Variants in NALF1 observed in about 807,000 individuals in gnomAD.
The protein encoded by NALF1 is NALCN channel auxiliary factor 1.
A neutral mutation model predicts 48.4 loss-of-function variants in NALF1; 3 were observed. That is an observed-to-expected ratio of 0.06 (90% CI 0.03 to 0.16). The LOEUF is 0.16. NALF1 is among the 10% of genes least tolerant of loss of function. NALF1 has a pLI of 1.00. For missense variants in NALF1, 526 were observed against 571.5 expected, an observed-to-expected ratio of 0.92 and a Z score of 0.81; for synonymous variants, 262 against 245.7, an observed-to-expected ratio of 1.07 and a Z score of -0.62.
chr13:107,685,982 T>C lies in NALF1; in HGVS notation c.915+179700A>G, dbSNP rs116156477. Among the ~76,000 whole-genome samples, 1,045 of 152,318 alleles carry C rather than the reference T, an allele frequency of 6.9e-3. 12 individuals carry two copies. Among genetic ancestry groups the C allele is most frequent in the African/African-American group, 0.024 (985 of 41,568 alleles). ...ATAACAAACAGATAAGCTACAAATA[T>C]CATTTACGATGGTGCCATGAAGAAC... On this transcript the variant is annotated intron_variant, in intron 1 of 2. Transcript: ENST00000375915.
chr13:107,716,247 T>C (rs1875813885), intron 1 of NALF1, among the ~76,000 whole-genome samples: 1 of 152,190 alleles, frequency 6.6e-6, no homozygotes, highest in South Asian at 2.1e-4. Flanking sequence ...AATTCAGTCT[T>C]TGCATTTGGA....
chr13:107,227,388 C>T (rs947062233), intron 1 of NALF1, among the ~76,000 whole-genome samples: 2 of 152,200 alleles, frequency 1.3e-5, no homozygotes, highest in Non-Finnish European at 2.9e-5. Flanking sequence ...GTTTAAGACA[C>T]AAAGTGTGCA....
rs146492095 is a variant in NALF1 at position 107,463,857 on chromosome 13, G to C, written c.916-253102C>G. On this transcript the variant is annotated intron_variant, in intron 1 of 2. Transcript: ENST00000375915. ...TTACATCAAATCAGAAACTGTGCTT[G>C]TTGCTTGATATAATGATAAGGAAGG... 5.3e-3 allele frequency among the ~76,000 whole-genome samples: 800 copies of C among 152,290 alleles called. 7 individuals are homozygous for C. Among genetic ancestry groups the C allele is most frequent in the African/African-American group, 0.018 (752 of 41,550 alleles).
intron 1 of NALF1, among the ~76,000 whole-genome samples, chr13:107,782,210 C>T (rs574790529): frequency 1.1e-3 from 174 of 152,332 alleles, no homozygotes; most frequent in Non-Finnish European, 1.9e-3. Context: ...CGTGCCGCCA[C>T]GCCTGACTGG....
intron 1 of NALF1, among the ~76,000 whole-genome samples, chr13:107,781,991 A>G (rs1179367856): frequency 6.6e-6 from 1 of 152,106 alleles, no homozygotes; most frequent in African/African-American, 2.4e-5. Flanking sequence ...GCTAAGTTAC[A>G]CTTCTGTGCA....
At chr13:107,593,890 C>A (rs1878670585) in intron 1 of NALF1, among the ~76,000 whole-genome samples, 1 of 151,396 alleles carries the variant, frequency 6.6e-6, no homozygotes, top group Non-Finnish European at 1.5e-5. Flanking sequence ...CATAGAAGGT[C>A]TTTTCAAATA....
At chr13:107,612,850 C>T (rs931035665) in intron 1 of NALF1, among the ~76,000 whole-genome samples, 12 of 152,122 alleles carry the variant, frequency 7.9e-5, no homozygotes, top group African/African-American at 2.9e-4. Flanking sequence ...AAATAAATCT[C>T]CCTTTCTCTC....
chr13:107,169,558 C>T lies in NALF1; in HGVS notation c.*939G>A, dbSNP rs1024317743. ...CCCGCATCCTGATTCTAGATAGCTG[C>T]TCCTGTCCAACTGGACCAGCAAGAA... On this transcript the variant is annotated 3_prime_UTR_variant, in exon 3 of 3. Coordinates refer to ENST00000375915, the MANE Select transcript of NALF1 (RefSeq NM_001080396.3). 6.6e-6 allele frequency: 1 copy of T among 152,214 alleles called. No individual in the cohort carries two copies. Among genetic ancestry groups the T allele is most frequent in the Admixed American group, 6.5e-5 (1 of 15,276 alleles). 9.4% of individuals were successfully genotyped at this position (152,214 alleles called of 1,614,324 possible).
At chr13:107,660,703 T>C (rs1425544255) in intron 1 of NALF1, among the ~76,000 whole-genome samples, 1 of 152,084 alleles carries the variant, frequency 6.6e-6, no homozygotes, top group East Asian at 1.9e-4. Context: ...GATGAATCCA[T>C]GTCATTATAC....
intron 1 of NALF1, among the ~76,000 whole-genome samples, chr13:107,735,355 T>C (rs1331809873): frequency 1.3e-5 from 2 of 152,160 alleles, no homozygotes; most frequent in Non-Finnish European, 2.9e-5. Flanking sequence ...CATGGTTGGA[T>C]GAGTAAAATA....
intron 1 of NALF1, among the ~76,000 whole-genome samples, chr13:107,629,406 T>C (rs1879771510): frequency 6.6e-6 from 1 of 152,182 alleles, no homozygotes; most frequent in Non-Finnish European, 1.5e-5. Context: ...GAATCATATA[T>C]CTGAAAACTG....
intron 1 of NALF1, among the ~76,000 whole-genome samples, chr13:107,256,765 C>A (rs1880824974): frequency 6.6e-6 from 1 of 152,082 alleles, no homozygotes; most frequent in Non-Finnish European, 1.5e-5. Flanking sequence ...TAGGAGTTTG[C>A]AAGAATCAGC....
chr13:107,749,551 A>C (rs953351140), intron 1 of NALF1, among the ~76,000 whole-genome samples: 5 of 151,942 alleles, frequency 3.3e-5, no homozygotes, highest in Admixed American at 6.6e-5. Flanking sequence ...AACCAACATA[A>C]AAACTATCCT....
chr13:107,845,376 T>C (rs1053697269), intron 1 of NALF1, among the ~76,000 whole-genome samples: 3 of 152,184 alleles, frequency 2.0e-5, no homozygotes, highest in African/African-American at 7.2e-5. Flanking sequence ...TGCTGTGGAA[T>C]GAGTCTACCT....
At chr13:107,561,814 A>G (rs1273189528) in intron 1 of NALF1, among the ~76,000 whole-genome samples, 1 of 152,216 alleles carries the variant, frequency 6.6e-6, no homozygotes, top group Non-Finnish European at 1.5e-5. Flanking sequence ...CTGTGTTTGC[A>G]TAACTGTCTC....
chr13:107,755,619 AC>A (rs1363795226), intron 1 of NALF1, among the ~76,000 whole-genome samples: 6 of 151,358 alleles, frequency 4.0e-5, no homozygotes, highest in Admixed American at 1.3e-4. Context: ...CTCAACTGCC[AC>A]AACTCCTATA....
chr13:107,318,251 T>C (rs1882188039), intron 1 of NALF1, among the ~76,000 whole-genome samples: 1 of 152,160 alleles, frequency 6.6e-6, no homozygotes, highest in Non-Finnish European at 1.5e-5. Flanking sequence ...CAAAGCTTTT[T>C]GAAAATTTTC....
At chr13:107,180,774 TA>T (rs1458715881) in intron 2 of NALF1, among the ~76,000 whole-genome samples, 2 of 151,804 alleles carry the variant, frequency 1.3e-5, no homozygotes, top group Admixed American at 1.3e-4. Flanking sequence ...TGAGATTATA[TA>T]AAAATATATA....
intron 1 of NALF1, among the ~76,000 whole-genome samples, chr13:107,562,646 T>C (rs961575826): frequency 6.6e-5 from 10 of 152,210 alleles, no homozygotes; most frequent in African/African-American, 1.7e-4. Flanking sequence ...AGCTGACAAA[T>C]GTGAACTTCA....
Sources: gnomAD v4.1 joint callset for allele counts (sites outside exome capture counted in the v4.1 genomes callset) on GRCh38, gnomAD v4.1.1 for gene constraint, MANE v1.5 for transcripts, NCBI Gene and HGNC (gene_info 2026-07-23, HGNC 2026-07-21) for gene names.